Variants in POLR2G observed in about 807,000 individuals in gnomAD.
POLR2G encodes DNA-directed RNA polymerase II subunit RPB7.
POLR2G carries 19 observed loss-of-function variants against 25.7 expected under a neutral mutation model. The ratio of observed to expected loss-of-function variants is 0.74; its 90% CI spans 0.52 to 1.08. POLR2G has a LOEUF of 1.08. Ranked by LOEUF, POLR2G falls within the 50% of genes least tolerant of loss-of-function variation. The pLI, the probability that POLR2G is intolerant of heterozygous loss-of-function variation, is 0.00. For missense variants in POLR2G, 123 were observed against 218.5 expected, an observed-to-expected ratio of 0.56 and a Z score of 2.76; for synonymous variants, 79 against 76.0, an observed-to-expected ratio of 1.04 and a Z score of -0.21.
Position 62,766,610 on chromosome 11 carries a change from A to C in POLR2G, c.*103A>C. 9.3e-7 allele frequency: 1 copy of C among 1,080,084 alleles called. No homozygotes were observed. The allele number at this position is 1,080,084 out of a possible 1,614,324, so 66.9% of individuals were successfully genotyped here. Reference sequence around the variant, plus strand: ...CTGGCTGCTGTTGTGGAGGCAAGGAAGGCAACTCATCCCAGAAGGCATCTG... The same window carrying C: ...CTGGCTGCTGTTGTGGAGGCAAGGACGGCAACTCATCCCAGAAGGCATCTG... On this transcript the variant is annotated 3_prime_UTR_variant, in exon 8 of 8. Transcript: ENST00000301788.
chr11:62,761,801 C>A lies in POLR2G; in HGVS notation c.19C>A (p.Leu7Ile). ...ATCCCACTTTTCTCCGCAGATCTCC[C>A]TAGAGCACGAAATCCTGCTGCACCC... MFYHIS[L>I]EHEILLHPRY... Residue 7 changes from leucine to isoleucine, a missense_variant, in exon 2 of 8, where the codon CTA (leucine) becomes ATA (isoleucine). Coordinates refer to ENST00000301788, the MANE Select transcript of POLR2G (RefSeq NM_002696.3). 1.2e-6 allele frequency: 2 copies of A among 1,613,966 alleles called. No individual in the cohort carries two copies. The highest frequency in any genetic ancestry group is 1.7e-6 in the Non-Finnish European group (2 of 1,179,890).
At position 62,761,625 on chromosome 11, in the gene POLR2G, T is replaced by C. The variant is rs1028717004; in HGVS notation, c.-24T>C. On this transcript the variant is annotated 5_prime_UTR_variant, in exon 1 of 8. Coordinates refer to ENST00000301788, the MANE Select transcript of POLR2G (RefSeq NM_002696.3). ...CAGGGACTGTCGGAGGTGTGGACTCTGCCTGCCTACCTGGTCTGGGAAGAT... is the reference window on the plus strand; with the variant it reads ...CAGGGACTGTCGGAGGTGTGGACTCCGCCTGCCTACCTGGTCTGGGAAGAT... 3.2e-5 allele frequency: 51 copies of C among 1,605,524 alleles called. No individual in the cohort carries two copies. The highest frequency in any genetic ancestry group is 1.2e-4 in the Admixed American group (7 of 58,476).
In POLR2G at chr11:62,765,977, C is replaced by T. The variant is rs550558740; in HGVS notation, c.471+253C>T. 2.6e-5 allele frequency among the ~76,000 whole-genome samples: 4 copies of T among 152,046 alleles called. No individual in the cohort carries two copies. The East Asian group carries it at 7.7e-4, about 29-fold the overall frequency. ...TAATTTTTTATATTTTTAGTACAGA[C>T]AGGGTTTCACCATGTTAGCCAGGAT... On this transcript the variant is annotated intron_variant, in intron 6 of 7. Coordinates refer to ENST00000301788, the MANE Select transcript of POLR2G (RefSeq NM_002696.3).
chr11:62,765,604 C>A, intron 5 of POLR2G, 49 bp from the exon 6 acceptor site: 1 of 1,349,580 alleles, frequency 7.4e-7, no homozygotes, highest in Non-Finnish European at 1.1e-6. Context: ...TGTGATGTAA[C>A]TTCTCATAAA....
Position 62,766,549 on chromosome 11 carries a change from G to A in POLR2G, c.*42G>A. ...CCCTTGGTCCTACTCTAGGAAGTGT[G>A]ATTGTCACACTTATCATGTTGTCCA... On this transcript the variant is annotated 3_prime_UTR_variant, in exon 8 of 8. Coordinates refer to ENST00000301788, the MANE Select transcript of POLR2G (RefSeq NM_002696.3). 6.3e-7 allele frequency: 1 copy of A among 1,592,662 alleles called. No homozygotes were observed. Among genetic ancestry groups the A allele is most frequent in the East Asian group, 2.2e-5 (1 of 44,774 alleles).
At chr11:62,766,432 G>A in intron 7 of POLR2G, 62 bp from the exon 8 acceptor site, 1 of 1,593,182 alleles carries the variant, frequency 6.3e-7, no homozygotes, top group Non-Finnish European at 8.6e-7. Flanking sequence ...GGGATGAGGA[G>A]TACATGGTTG....
rs1227322164 is a variant in POLR2G, at chr11:62,765,596, T to A, written c.400-57T>A. 5 of 1,267,904 alleles carry A rather than the reference T, an allele frequency of 3.9e-6. No individual in the cohort carries two copies. In the African/African-American group the frequency reaches 7.3e-5, roughly 19 times the overall value. 78.5% of individuals were successfully genotyped at this position (1,267,904 alleles called of 1,614,324 possible). A position where few individuals can be genotyped will look rare whatever the true frequency, so the allele number is the denominator to read the frequency against. On this transcript the variant is annotated intron_variant, in intron 5 of 7. Transcript: ENST00000301788. ...CCCCGGGCTTACAGTGAAGTGATTG[T>A]GATGTAACTTCTCATAAACTGAGGA...
intron 2 of POLR2G, 90 bp from the exon 3 acceptor site, chr11:62,762,777 C>T: frequency 9.4e-7 from 1 of 1,062,178 alleles, no homozygotes; most frequent in Admixed American, 2.0e-5. Context: ...CTCCCCGACC[C>T]TACCCCCAAG....
In POLR2G at chr11:62,761,657, C is replaced by T. The variant is rs1032138935; in HGVS notation, c.9C>T (p.Tyr3=). 11 of 1,612,034 alleles carry T rather than the reference C, an allele frequency of 6.8e-6. No individual in the cohort carries two copies. Among genetic ancestry groups the T allele is most frequent in the Middle Eastern group, 1.7e-4 (1 of 6,050 alleles). Reference sequence around the variant, plus strand: ...CTACCTGGTCTGGGAAGATGTTCTACCATGTGAGCAGGGCTCAGGGTGGCG... The same window carrying T: ...CTACCTGGTCTGGGAAGATGTTCTATCATGTGAGCAGGGCTCAGGGTGGCG... MF[Y]HISLEHEILL... The change falls in exon 1 of 8, where the codon TAC becomes TAT. Residue 3 remains tyrosine, a synonymous_variant. Coordinates refer to ENST00000301788, the MANE Select transcript of POLR2G (RefSeq NM_002696.3).
At chr11:62,764,937 C>T (rs915658558) in intron 3 of POLR2G, among the ~76,000 whole-genome samples, 14 of 151,996 alleles carry the variant, frequency 9.2e-5, no homozygotes, top group African/African-American at 3.1e-4. Context: ...CGGCTCACTG[C>T]AACCTCCACC....
intron 3 of POLR2G, among the ~76,000 whole-genome samples, chr11:62,763,589 C>T (rs892866800): frequency 2.6e-5 from 4 of 152,064 alleles, no homozygotes; most frequent in Non-Finnish European, 2.9e-5. Flanking sequence ...CCACCGCGCC[C>T]GGCCTGCACT....
In POLR2G at chr11:62,766,576, A is replaced by ACTGGACCTCT; in HGVS notation, c.*69_*70insCTGGACCTCT. On this transcript the variant is annotated 3_prime_UTR_variant, in exon 8 of 8. Transcript: ENST00000301788. ...TTGTCACACTTATCATGTTGTCCAG[A>ACTGGACCTCT]GGTCCAGTCTGGCTGCTGTTGTGGA... 3 of 1,488,818 alleles carry ACTGGACCTCT rather than the reference A, an allele frequency of 2.0e-6. No homozygotes were observed. The highest frequency in any genetic ancestry group is 2.8e-6 in the Non-Finnish European group (3 of 1,067,544). The allele number at this position is 1,488,818 out of a possible 1,614,324, so 92.2% of individuals were successfully genotyped here. A position where few individuals can be genotyped will look rare whatever the true frequency, so the allele number is the denominator to read the frequency against.
At position 62,761,794 on chromosome 11, in the gene POLR2G, G is replaced by T; in HGVS notation, c.13-1G>T. The T allele has an allele frequency of 6.2e-7, 1 of 1,613,810 alleles. No homozygotes were observed. Among genetic ancestry groups the T allele is most frequent in the African/African-American group, 1.3e-5 (1 of 75,058 alleles). On this transcript the variant is annotated splice_acceptor_variant, in intron 1 of 7. Coordinates refer to ENST00000301788, the MANE Select transcript of POLR2G (RefSeq NM_002696.3). LOFTEE classifies it high-confidence loss of function. ...GGTCGCCATCCCACTTTTCTCCGCAGATCTCCCTAGAGCACGAAATCCTGC... is the reference window on the plus strand; with the variant it reads ...GGTCGCCATCCCACTTTTCTCCGCATATCTCCCTAGAGCACGAAATCCTGC...
Position 62,766,227 on chromosome 11 carries a change from A to G in POLR2G, c.472-16A>G, listed in dbSNP as rs1463653447. On this transcript the variant is annotated splice_polypyrimidine_tract_variant and intron_variant, in intron 6 of 7. Coordinates refer to ENST00000301788, the MANE Select transcript of POLR2G (RefSeq NM_002696.3). ...CTCATCTTGGCTTCACTTTCTTTTT[A>G]CCATCTTTCTTGCAGTTTGCTATTG... 1 of 1,612,822 alleles carries G rather than the reference A, an allele frequency of 6.2e-7. No individual in the cohort carries two copies. Among genetic ancestry groups the G allele is most frequent in the East Asian group, 2.2e-5 (1 of 44,872 alleles).
At position 62,762,964 on chromosome 11, in the gene POLR2G, G is replaced by A. The variant is rs753524885; in HGVS notation, c.220G>A (p.Ala74Thr). 1 of 1,611,756 alleles carries A rather than the reference G, an allele frequency of 6.2e-7. No individual in the cohort carries two copies. The highest frequency in any genetic ancestry group is 1.1e-5 in the South Asian group (1 of 91,008). Residue 74 changes from alanine (A) to threonine (T), a missense_variant, in exon 3 of 8, where the codon GCC (alanine) becomes ACC (threonine). Physicochemically the swap from Ala to Thr is moderately conservative, Grantham distance 58. Coordinates refer to ENST00000301788, the MANE Select transcript of POLR2G (RefSeq NM_002696.3). Reference protein sequence around the residue: ...GFVLYPVKYKAIVFRPFKGEV... With the variant: ...GFVLYPVKYKTIVFRPFKGEV... ...TGTCCTTTATCCAGTTAAGTACAAG[G>A]CCATTGTTTTCCGGCCATTTAAAGG...
At chr11:62,761,959 A>G (rs2084091251) in intron 2 of POLR2G, 55 bp downstream of exon 2, 2 of 1,292,052 alleles carry the variant, frequency 1.5e-6, no homozygotes. Flanking sequence ...ACGGGGCGCT[A>G]TACCTGCAAC....
In POLR2G at chr11:62,761,789, C is replaced by T. The variant is rs148017523; in HGVS notation, c.13-6C>T. ...GGCCTGGTCGCCATCCCACTTTTCTCCGCAGATCTCCCTAGAGCACGAAAT... is the reference window on the plus strand; with the variant it reads ...GGCCTGGTCGCCATCCCACTTTTCTTCGCAGATCTCCCTAGAGCACGAAAT... On this transcript the variant is annotated splice_region_variant and splice_polypyrimidine_tract_variant and intron_variant, in intron 1 of 7. Coordinates refer to ENST00000301788, the MANE Select transcript of POLR2G (RefSeq NM_002696.3). The T allele has an allele frequency of 8.7e-4, 1,396 of 1,613,594 alleles. 11 individuals carry two copies. The African/African-American group carries it at 0.015, about 17-fold the overall frequency.
At chr11:62,766,092 C>A in intron 6 of POLR2G, 151 bp from the exon 7 acceptor site, 1 of 754,794 alleles carries the variant, frequency 1.3e-6, no homozygotes, top group South Asian at 1.5e-5. Flanking sequence ...TGGCCGAGAG[C>A]TGTCGATTTC....
At position 62,762,867 on chromosome 11, in the gene POLR2G, G is replaced by A; in HGVS notation, c.123G>A (p.Lys41=). 1.3e-6 allele frequency: 2 copies of A among 1,587,406 alleles called. No individual in the cohort carries two copies. Among genetic ancestry groups the A allele is most frequent in the South Asian group, 1.1e-5 (1 of 89,088 alleles). Residue 41 remains lysine (K), a splice_region_variant and synonymous_variant, in exon 3 of 8, where the codon AAG becomes AAA. Transcript: ENST00000301788. ...TTCCTGTTTCTCATCCTCCTTGCAG[G>A]TATGGCTTTGTAATTGCTGTCACCA... The part of the protein sequence containing the change: ...FTEVEGTCTG[K]YGFVIAVTTI...
Sources: gnomAD v4.1 joint callset for allele counts (sites outside exome capture counted in the v4.1 genomes callset) on GRCh38, gnomAD v4.1.1 for gene constraint, MANE v1.5 for transcripts, NCBI Gene and HGNC (gene_info 2026-07-23, HGNC 2026-07-21) for gene names.